GGNBP2: variants seen among roughly 807,000 people sequenced by gnomAD.
The protein encoded by GGNBP2 is gametogenetin binding protein 2.
GGNBP2 carries 10 observed loss-of-function variants against 85.9 expected under a neutral mutation model. The observed-to-expected ratio is 0.12, with a 90% CI of 0.07 to 0.20. The LOEUF (loss-of-function observed/expected upper bound fraction) is 0.20. GGNBP2 is among the 10% of genes least tolerant of loss of function. GGNBP2 has a pLI of 1.00. For missense variants in GGNBP2, 595 were observed against 857.8 expected, an observed-to-expected ratio of 0.69 and a Z score of 3.83; for synonymous variants, 287 against 285.7, an observed-to-expected ratio of 1.00 and a Z score of -0.05.
chr17:36,570,831 G>A (rs1429556056), intron 6 of GGNBP2, among the ~76,000 whole-genome samples: 1 of 152,106 alleles, frequency 6.6e-6, no homozygotes, highest in Non-Finnish European at 1.5e-5. Context: ...GACCAGCCTG[G>A]CCAACATGGT....
In GGNBP2 at chr17:36,589,388, T is replaced by C. The variant is rs568255763; in HGVS notation, c.2071T>C (p.Leu691=). 5.0e-6 allele frequency: 8 copies of C among 1,613,406 alleles called. No individual in the cohort carries two copies. The South Asian group carries it at 6.6e-5, about 13-fold the overall frequency. Residue 691 remains leucine, a synonymous_variant, in exon 14 of 14, where the codon TTG becomes CTG. Transcript: ENST00000613102. Reference sequence around the variant, plus strand: ...CAAGAGGCCCATTTGTAGTGGCTGGTTGACAACGGCTGGAGCAAATTAAAT... The same window carrying C: ...CAAGAGGCCCATTTGTAGTGGCTGGCTGACAACGGCTGGAGCAAATTAAAT... ...DHKRPICSGW[L]TTAGAN
chr17:36,558,437 AAG>A (rs1359591095), intron 4 of GGNBP2, among the ~76,000 whole-genome samples: 23 of 148,944 alleles, frequency 1.5e-4, no homozygotes, highest in South Asian at 4.3e-4. Flanking sequence ...AAAAAAAAAA[AAG>A]GTAATAAAAG....
chr17:36,553,841 A>G (rs2074334372), intron 2 of GGNBP2, among the ~76,000 whole-genome samples: 1 of 152,208 alleles, frequency 6.6e-6, no homozygotes, highest in Non-Finnish European at 1.5e-5. Context: ...ATACATAACT[A>G]TGGTACTAAA....
At chr17:36,557,057 T>C in intron 3 of GGNBP2, 26 bp from the exon 4 acceptor site, 1 of 1,612,908 alleles carries the variant, frequency 6.2e-7, no homozygotes, top group Non-Finnish European at 8.5e-7. Flanking sequence ...TAAAGGACAC[T>C]CTTTCATTTT....
At chr17:36,581,609 G>GCCACCACACC in intron 9 of GGNBP2, 71 bp downstream of exon 9, 1 of 1,189,688 alleles carries the variant, frequency 8.4e-7, no homozygotes, top group Non-Finnish European at 1.2e-6. Flanking sequence ...GCCAGGTGTG[G>GCCACCACACC]TGGCTCACGC....
At chr17:36,553,319 C>T (rs1336908123) in intron 2 of GGNBP2, among the ~76,000 whole-genome samples, 2 of 152,182 alleles carry the variant, frequency 1.3e-5, no homozygotes, top group African/African-American at 2.4e-5. Flanking sequence ...ATAGTCTATC[C>T]TTTAGTATCT....
At chr17:36,575,905 C>A (rs1555607671) in intron 6 of GGNBP2, among the ~76,000 whole-genome samples, 1 of 150,870 alleles carries the variant, frequency 6.6e-6, no homozygotes. Flanking sequence ...CCTTTGCCTC[C>A]CAAAGGGCTG....
intron 7 of GGNBP2, 51 bp from the exon 8 acceptor site, chr17:36,579,194 C>T (rs1482451444): frequency 2.0e-6 from 3 of 1,514,198 alleles, no homozygotes; most frequent in African/African-American, 2.7e-5. Context: ...TGTTATCCAT[C>T]TTTTACTGTT....
intron 5 of GGNBP2, among the ~76,000 whole-genome samples, chr17:36,562,486 T>G (rs2074427090): frequency 6.6e-6 from 1 of 151,816 alleles, no homozygotes; most frequent in Non-Finnish European, 1.5e-5. Context: ...AGTTAATTTT[T>G]AAATATCTCA....
chr17:36,556,987 T>A, intron 3 of GGNBP2, 96 bp from the exon 4 acceptor site: 1 of 1,441,900 alleles, frequency 6.9e-7, no homozygotes, highest in East Asian at 2.3e-5. Flanking sequence ...CTGGCCAGGT[T>A]GTACTTTACT....
At chr17:36,575,649 T>TATATATATATATATATATA (rs1491168966) in intron 6 of GGNBP2, among the ~76,000 whole-genome samples, 3 of 37,830 alleles carry the variant, frequency 7.9e-5, no homozygotes, top group Admixed American at 2.6e-4. Flanking sequence ...TATATATATA[T>TATATATATATATATATATA]TTTTTTTTTT....
chr17:36,556,762 T>TGC (rs2074365905), intron 3 of GGNBP2, among the ~76,000 whole-genome samples: 3 of 120,448 alleles, frequency 2.5e-5, no homozygotes, highest in African/African-American at 1.2e-4. Flanking sequence ...TTTTTTTTTT[T>TGC]TTTTTTTTTT....
rs145516334 is a variant in GGNBP2 at position 36,580,882 on chromosome 17, G to A, written c.1021-462G>A. On this transcript the variant is annotated intron_variant, in intron 8 of 13. Coordinates refer to ENST00000613102, the MANE Select transcript of GGNBP2 (RefSeq NM_024835.5). ...TGCAGTGAACTGAGATGGTGCCACT[G>A]TACTCCAGCCTGGGCGATGGAGCAA... 2.7e-4 allele frequency among the ~76,000 whole-genome samples: 41 copies of A among 151,554 alleles called. No individual in the cohort carries two copies. The East Asian group carries it at 7.4e-3, about 27-fold the overall frequency.
At chr17:36,578,954 G>A in intron 7 of GGNBP2, 1 of 289,344 alleles carries the variant, frequency 3.5e-6, no homozygotes, top group Non-Finnish European at 6.5e-6. Flanking sequence ...TGTCTACTAT[G>A]AGCTGGACAC....
chr17:36,571,901 A>T (rs1260547232), intron 6 of GGNBP2, among the ~76,000 whole-genome samples: 1 of 151,836 alleles, frequency 6.6e-6, no homozygotes, highest in East Asian at 1.9e-4. Flanking sequence ...AAATAAAAAA[A>T]TTAGCTGGGC....
At chr17:36,569,857 T>C (rs945509597) in intron 6 of GGNBP2, among the ~76,000 whole-genome samples, 2 of 152,226 alleles carry the variant, frequency 1.3e-5, no homozygotes, top group African/African-American at 2.4e-5. Flanking sequence ...GAGTTTCTTA[T>C]AATGGTTTTG....
intron 6 of GGNBP2, among the ~76,000 whole-genome samples, chr17:36,575,731 C>T (rs923003383): frequency 6.9e-6 from 1 of 145,840 alleles, no homozygotes; most frequent in Non-Finnish European, 1.5e-5. Flanking sequence ...ACTGCAACCT[C>T]TGCCTCCCGG....
intron 6 of GGNBP2, among the ~76,000 whole-genome samples, chr17:36,568,575 G>C (rs2074491352): frequency 6.6e-6 from 1 of 152,164 alleles, no homozygotes; most frequent in Non-Finnish European, 1.5e-5. Context: ...GAGATTACAG[G>C]CATGAGCTGT....
At chr17:36,571,563 C>T (rs1200716089) in intron 6 of GGNBP2, among the ~76,000 whole-genome samples, 6 of 151,184 alleles carry the variant, frequency 4.0e-5, no homozygotes, top group Non-Finnish European at 7.4e-5. Flanking sequence ...AAAAACAGGC[C>T]GGGTGCCATG....
Sources: gnomAD v4.1 joint callset for allele counts (sites outside exome capture counted in the v4.1 genomes callset) on GRCh38, gnomAD v4.1.1 for gene constraint, MANE v1.5 for transcripts, NCBI Gene and HGNC (gene_info 2026-07-23, HGNC 2026-07-21) for gene names.